The following FCRL6 variants were observed in gnomAD, a reference collection of about 807,000 sequenced individuals.
The protein encoded by FCRL6 is Fc receptor-like protein 6.
FCRL6 carries 50 observed loss-of-function variants against 49.1 expected under a neutral mutation model. The ratio of observed to expected loss-of-function variants is 1.02; its 90% confidence interval spans 0.81 to 1.29. The LOEUF (loss-of-function observed/expected upper bound fraction) is 1.29. Among genes scored for constraint, FCRL6 ranks in the 50% most tolerant of loss-of-function variants. The pLI is 0.00. For synonymous variants in FCRL6, 213 were observed against 199.6 expected (o/e 1.07, Z -0.57); for missense variants, 571 against 518.5 (o/e 1.10, Z -0.98).
chr1:159,809,576 C>T lies in FCRL6; in HGVS notation c.779C>T (p.Ser260Phe). ...NHSAPCGGTT[S>F]LLFPVKSEQD... ...TCAGCTCCCTGTGGTGGAACCACCTCCCTCCTCTTCCCAGTGAAGTCAGAA... is the reference window on the plus strand; with the variant it reads ...TCAGCTCCCTGTGGTGGAACCACCTTCCTCCTCTTCCCAGTGAAGTCAGAA... The change falls in exon 5 of 10, where the codon TCC becomes TTC. Residue 260 changes from serine (S) to phenylalanine (F), a missense_variant. Ser to Phe is a radical substitution (Grantham distance 155, BLOSUM62 -2). Coordinates refer to ENST00000368106, the MANE Select transcript of FCRL6 (RefSeq NM_001004310.3). 6.2e-7 allele frequency: 1 copy of T among 1,614,162 alleles called. No homozygotes were observed. Among genetic ancestry groups the T allele is most frequent in the Non-Finnish European group, 8.5e-7 (1 of 1,180,014 alleles).
chr1:159,803,979 G>A (rs1662507880), intron 1 of FCRL6, among the ~76,000 whole-genome samples: 1 of 152,202 alleles, frequency 6.6e-6, no homozygotes, highest in South Asian at 2.1e-4. Context: ...GCTCCGGGAG[G>A]AAAGGAATCC....
intron 3 of FCRL6, 52 bp downstream of exon 3, chr1:159,808,496 C>T: frequency 6.2e-7 from 1 of 1,608,304 alleles, no homozygotes; most frequent in Non-Finnish European, 8.5e-7. Context: ...CTCAAGGGTC[C>T]CGTTTCTAGA....
chr1:159,807,603 A>G (rs6670761), intron 2 of FCRL6, among the ~76,000 whole-genome samples: 6,723 of 152,258 alleles, frequency 0.044, 489 homozygotes, highest in African/African-American at 0.15. Context: ...GGCTGGGCCT[A>G]AGGAAGCCCA....
At chr1:159,802,582 G>GCACACACCTGTCT in intron 1 of FCRL6, 127 bp downstream of exon 1, 5 of 817,986 alleles carry the variant, frequency 6.1e-6, no homozygotes, top group Non-Finnish European at 1.0e-5. Context: ...CAAGACAGGT[G>GCACACACCTGTCT]TGTGCACCTG....
At chr1:159,810,319 C>T in intron 6 of FCRL6, 103 bp downstream of exon 6, 2 of 1,418,098 alleles carry the variant, frequency 1.4e-6, no homozygotes, top group Non-Finnish European at 1.9e-6. Flanking sequence ...CTCTCTTCTC[C>T]TGGGTGTGGA....
chr1:159,814,434 C>T (rs1663270104), intron 8 of FCRL6, 142 bp downstream of exon 8: 3 of 651,930 alleles, frequency 4.6e-6, no homozygotes, highest in Admixed American at 2.5e-5. Context: ...TATTTATCTC[C>T]ATTATTGTCA....
At position 159,808,385 on chromosome 1, in the gene FCRL6, T is replaced by A; in HGVS notation, c.260T>A (p.Val87Glu). 1 of 1,614,126 alleles carries A rather than the reference T, an allele frequency of 6.2e-7. No individual in the cohort carries two copies. Among genetic ancestry groups the A allele is most frequent in the Non-Finnish European group, 8.5e-7 (1 of 1,179,996 alleles). The part of the protein sequence containing the change: ...SRGQYSCSGQ[V>E]MYIPQTFTQT... The stretch of plus-strand genomic sequence containing the variant: ...GGCCAGTACAGCTGCTCTGGGCAGG[T>A]GATGTATATTCCACAGACATTCACA... The change falls in exon 3 of 10, where the codon GTG becomes GAG. Residue 87 changes from valine (V) to glutamate (E), a missense_variant. Transcript: ENST00000368106.
chr1:159,815,106 G>A (rs57198275), intron 8 of FCRL6, among the ~76,000 whole-genome samples: 40,670 of 152,172 alleles, frequency 0.27, 6,606 homozygotes, highest in African/African-American at 0.46. Flanking sequence ...TGCTAATTCA[G>A]TTCCTAATCT....
intron 1 of FCRL6, 75 bp downstream of exon 1, chr1:159,802,530 C>T (rs1420715153): frequency 4.5e-6 from 6 of 1,341,582 alleles, no homozygotes; most frequent in Non-Finnish European, 6.4e-6. Flanking sequence ...CCAAGTTCCT[C>T]ATCTTACCTT....
In FCRL6 at chr1:159,809,700, A is replaced by T. The variant is rs541497502; in HGVS notation, c.886+17A>T. Reference sequence around the variant, plus strand: ...CTCTGAAGGGTGTGTTTTGTTCTCCAACAGAGCTTTGAGCCCCAGCAAGCT... The same window carrying T: ...CTCTGAAGGGTGTGTTTTGTTCTCCTACAGAGCTTTGAGCCCCAGCAAGCT... On this transcript the variant is annotated intron_variant, in intron 5 of 9. Transcript: ENST00000368106. The T allele has an allele frequency of 4.3e-6, 7 of 1,610,402 alleles. No individual in the cohort carries two copies. In the South Asian group the frequency reaches 7.7e-5, roughly 18 times the overall value.
chr1:159,802,069 G>T (rs879862315), upstream of FCRL6, among the ~76,000 whole-genome samples: 1 of 152,072 alleles, frequency 6.6e-6, no homozygotes, highest in Non-Finnish European at 1.5e-5. Context: ...AAGCAAATTC[G>T]GGCAGTCTCT....
upstream of FCRL6, among the ~76,000 whole-genome samples, chr1:159,800,892 G>T (rs1185746997): frequency 1.3e-5 from 2 of 152,210 alleles, no homozygotes; most frequent in Non-Finnish European, 1.5e-5. Context: ...CAGGCATGGT[G>T]GTGCATGCCT....
rs146350899 is a variant in FCRL6 at position 159,813,525 on chromosome 1, G to T, written c.1046G>T (p.Gly349Val). Residue 349 changes from glycine to valine, a missense_variant, in exon 7 of 10, where the codon GGT becomes GTT. Physicochemically the swap from Gly to Val is moderately radical, Grantham distance 109. Coordinates refer to ENST00000368106, the MANE Select transcript of FCRL6 (RefSeq NM_001004310.3). Reference protein sequence around the residue: ...LPSQIPPTAPGGEQCPLYANV... With the variant: ...LPSQIPPTAPVGEQCPLYANV... Reference sequence around the variant, plus strand: ...TCCCAGATACCACCCACAGCTCCAGGTGGAGAGCAGTGCCCACTATATGCC... The same window carrying T: ...TCCCAGATACCACCCACAGCTCCAGTTGGAGAGCAGTGCCCACTATATGCC... The T allele has an allele frequency of 7.4e-5, 119 of 1,614,122 alleles. No homozygotes were observed. In the South Asian group the frequency reaches 1.3e-3, roughly 17 times the overall value.
At chr1:159,814,006 A>C (rs113887959) in intron 7 of FCRL6, among the ~76,000 whole-genome samples, 1 of 151,904 alleles carries the variant, frequency 6.6e-6, no homozygotes, top group Non-Finnish European at 1.5e-5. Context: ...TCTGGTTTAA[A>C]CAGTGTCAGG....
In FCRL6 at chr1:159,802,445, G is replaced by C. The variant is rs757856434; in HGVS notation, c.21G>C (p.Val7=). The C allele has an allele frequency of 8.1e-6, 13 of 1,613,826 alleles. No homozygotes were observed. The highest frequency in any genetic ancestry group is 1.6e-4 in the Middle Eastern group (1 of 6,062). Residue 7 remains valine (V), a synonymous_variant, in exon 1 of 10, where the codon GTG becomes GTC. Coordinates refer to ENST00000368106, the MANE Select transcript of FCRL6 (RefSeq NM_001004310.3). The stretch of plus-strand genomic sequence containing the variant: ...GCCCCATGCTGCTCTGGACGGCTGT[G>C]CTGCTCTTTGGTAAGTCAACGAGCA... MLLWTA[V]LLFVPCVGKT...
rs1285435489 is a variant in FCRL6 at position 159,809,112 on chromosome 1, G to C, written c.471G>C (p.Gln157His). The C allele has an allele frequency of 1.2e-6, 2 of 1,614,018 alleles. No homozygotes were observed. The highest frequency in any genetic ancestry group is 1.7e-6 in the Non-Finnish European group (2 of 1,179,998). ...TCCACAAGGACGGCCACACCTTGCA[G>C]GACAGGGGCCCTCACCCAGAACTCT... ...FSFHKDGHTL[Q>H]DRGPHPELCI... is the part of the protein sequence containing the mutation. The change falls in exon 4 of 10, where the codon CAG becomes CAC. Residue 157 changes from glutamine (Q) to histidine (H), a missense_variant. Gln to His is a conservative substitution (Grantham distance 24). Transcript: ENST00000368106.
chr1:159,810,355 T>A, intron 6 of FCRL6, 139 bp downstream of exon 6: 1 of 1,048,524 alleles, frequency 9.5e-7, no homozygotes, highest in Non-Finnish European at 1.3e-6. Context: ...TCTCTTCCTG[T>A]GTCACACAAA....
At chr1:159,812,653 T>C (rs1028696282) in intron 6 of FCRL6, among the ~76,000 whole-genome samples, 1 of 152,262 alleles carries the variant, frequency 6.6e-6, no homozygotes, top group African/African-American at 2.4e-5. Flanking sequence ...CGTTGGAGAA[T>C]GCTTAATCAC....
chr1:159,802,399 C>A lies in FCRL6; in HGVS notation c.-26C>A, dbSNP rs761796335. 1 of 1,613,556 alleles carries A rather than the reference C, an allele frequency of 6.2e-7. No homozygotes were observed. Among genetic ancestry groups the A allele is most frequent in the South Asian group, 1.1e-5 (1 of 90,896 alleles). The stretch of plus-strand genomic sequence containing the variant: ...CCCTGACCTGTTTCTGACCTGTGTT[C>A]CCTCCGCTGTGCCAGAACAGGCCCC... On this transcript the variant is annotated 5_prime_UTR_variant, in exon 1 of 10. Coordinates refer to ENST00000368106, the MANE Select transcript of FCRL6 (RefSeq NM_001004310.3).
Sources: allele counts gnomAD v4.1 joint callset (sites outside exome capture counted in the v4.1 genomes callset), GRCh38; gene constraint gnomAD v4.1.1; transcripts MANE v1.5; gene names NCBI Gene and HGNC (gene_info 2026-07-23, HGNC 2026-07-21).